The following EIF2AK2 variants were observed in gnomAD, a reference collection of about 807,000 sequenced individuals.
EIF2AK2 encodes eukaryotic translation initiation factor 2 alpha kinase 2, also known as interferon-induced, double-stranded RNA-activated protein kinase.
In EIF2AK2, 40 loss-of-function variants were observed where a neutral mutation model predicts 70.5. The ratio of observed to expected loss-of-function variants is 0.57; its 90% CI spans 0.44 to 0.74. EIF2AK2 has a LOEUF of 0.74. Ranked by LOEUF, EIF2AK2 falls within the 30% of genes least tolerant of loss-of-function variation. The pLI is 0.00. For missense variants in EIF2AK2, 555 were observed against 644.3 expected, an observed-to-expected ratio of 0.86 and a Z score of 1.50; for synonymous variants, 198 against 220.9, an observed-to-expected ratio of 0.90 and a Z score of 0.92.
At chr2:37,124,502 G>C (rs1256507380) in intron 11 of EIF2AK2, among the ~76,000 whole-genome samples, 1 of 152,008 alleles carries the variant, frequency 6.6e-6, no homozygotes, top group Non-Finnish European at 1.5e-5. Context: ...CTCGTGATCT[G>C]CCTGTCTTGG....
intron 5 of EIF2AK2, among the ~76,000 whole-genome samples, chr2:37,141,015 T>G (rs1195327707): frequency 6.6e-6 from 1 of 152,254 alleles, no homozygotes; most frequent in African/African-American, 2.4e-5. Flanking sequence ...TCTCAGTAAC[T>G]TTGAAACTCT....
intron 10 of EIF2AK2, among the ~76,000 whole-genome samples, chr2:37,127,991 C>T (rs1674803490): frequency 6.6e-6 from 1 of 152,162 alleles, no homozygotes; most frequent in African/African-American, 2.4e-5. Flanking sequence ...ATCCATCCGC[C>T]TCAGCCTCCC....
At chr2:37,136,580 T>C (rs1032780317) in intron 9 of EIF2AK2, 1 of 155,606 alleles carries the variant, frequency 6.4e-6, no homozygotes, top group Non-Finnish European at 1.4e-5. Context: ...TATATTTACA[T>C]CTTTGCCTTT....
chr2:37,140,005 C>A (rs1675273224), intron 5 of EIF2AK2, among the ~76,000 whole-genome samples: 1 of 151,360 alleles, frequency 6.6e-6, no homozygotes, highest in Non-Finnish European at 1.5e-5. Context: ...TGTTGCTTTG[C>A]TGAAAGATCT....
intron 10 of EIF2AK2, among the ~76,000 whole-genome samples, chr2:37,134,018 G>A (rs1414520752): frequency 6.6e-6 from 1 of 152,124 alleles, no homozygotes; most frequent in Non-Finnish European, 1.5e-5. Flanking sequence ...CTTGCTGCAA[G>A]CTAACTCTTC....
chr2:37,110,374 G>A (rs1267934410), intron 14 of EIF2AK2, among the ~76,000 whole-genome samples: 1 of 151,548 alleles, frequency 6.6e-6, no homozygotes, highest in Admixed American at 6.6e-5. Flanking sequence ...GGGATTACAG[G>A]CATGAGCCAC....
In EIF2AK2 at chr2:37,115,214, GTTTTTTTT is replaced by G. The variant is rs747138117; in HGVS notation, c.1249-363_1249-356del. On this transcript the variant is annotated intron_variant, in intron 13 of 16. Coordinates refer to ENST00000233057, the MANE Select transcript of EIF2AK2 (RefSeq NM_001135651.3). ...AGGCACCCGCCACCATGCCCGGCTA[GTTTTTTTT>G]TTTTTTTTTTTTTTTTTTTTTAGTA... 2.5e-3 allele frequency: 271 copies of G among 109,190 alleles called. 1 individual carries two copies. Among genetic ancestry groups the G allele is most frequent in the Non-Finnish European group, 3.9e-3 (233 of 59,968 alleles). 6.8% of individuals were successfully genotyped at this position (109,190 alleles called of 1,614,324 possible). A position where few individuals can be genotyped will look rare whatever the true frequency, so the allele number is the denominator to read the frequency against.
In EIF2AK2 at chr2:37,147,796, T is replaced by C. The variant is rs1160743323; in HGVS notation, c.11A>G (p.Asp4Gly). The C allele has an allele frequency of 6.2e-7, 1 of 1,612,206 alleles. No individual in the cohort carries two copies. The highest frequency in any genetic ancestry group is 1.3e-5 in the African/African-American group (1 of 74,990). The change falls in exon 3 of 17, where the codon GAT becomes GGT. Residue 4 changes from aspartate to glycine, a missense_variant. Physicochemically the swap from Asp to Gly is moderately conservative, Grantham distance 94. Around this residue, in one of 3 missense-constraint regions of EIF2AK2, gnomAD observed 48 missense variants for 77.1 expected, o/e 0.62. Coordinates refer to ENST00000233057, the MANE Select transcript of EIF2AK2 (RefSeq NM_001135651.3). Reference protein sequence around the residue: MAGDLSAGFFMEEL... With the variant: MAGGLSAGFFMEEL... ...CTCCATGAAGAAACCTGCTGAAAGA[T>C]CACCAGCCATTTCTTCTTCCCGTAT...
In EIF2AK2 at chr2:37,115,007, C is replaced by T. The variant is rs372081509; in HGVS notation, c.1249-148G>A. Reference sequence around the variant, plus strand: ...GCCAAAATCAGGGAATTTAATATGACTCGTCTTTAAAATGCCAGCTGAAAG... The same window carrying T: ...GCCAAAATCAGGGAATTTAATATGATTCGTCTTTAAAATGCCAGCTGAAAG... On this transcript the variant is annotated intron_variant, in intron 13 of 16. Coordinates refer to ENST00000233057, the MANE Select transcript of EIF2AK2 (RefSeq NM_001135651.3). 1.2e-5 allele frequency: 5 copies of T among 411,442 alleles called. No homozygotes were observed. The South Asian group carries it at 3.7e-4, about 30-fold the overall frequency. 25.5% of individuals were successfully genotyped at this position (411,442 alleles called of 1,614,324 possible).
At chr2:37,135,443 A>G in intron 10 of EIF2AK2, 41 bp downstream of exon 10, 1 of 1,522,940 alleles carries the variant, frequency 6.6e-7, no homozygotes, top group South Asian at 1.2e-5. Flanking sequence ...ATCCACCGAC[A>G]GCATTACCCC....
intron 4 of EIF2AK2, among the ~76,000 whole-genome samples, chr2:37,144,618 C>T (rs1467370783): frequency 6.6e-6 from 1 of 150,990 alleles, no homozygotes; most frequent in African/African-American, 2.4e-5. Context: ...GGGTCTTGCT[C>T]TGTTGCCCAG....
intron 11 of EIF2AK2, among the ~76,000 whole-genome samples, chr2:37,125,208 TC>T (rs1213094876): frequency 6.6e-6 from 1 of 152,072 alleles, no homozygotes; most frequent in East Asian, 1.9e-4. Flanking sequence ...GAGGGGTTTC[TC>T]CATGTTGGTG....
intron 1 of EIF2AK2, among the ~76,000 whole-genome samples, chr2:37,149,566 T>G (rs1675671914): frequency 6.6e-6 from 1 of 151,828 alleles, no homozygotes; most frequent in Non-Finnish European, 1.5e-5. Flanking sequence ...ACGGTTCCCA[T>G]GGCACAAATT....
Position 37,102,097 on chromosome 2 carries a change from G to A in EIF2AK2, c.*5176C>T, listed in dbSNP as rs1462547273. 6.6e-6 allele frequency: 1 copy of A among 152,104 alleles called. No individual in the cohort carries two copies. The highest frequency in any genetic ancestry group is 2.4e-5 in the African/African-American group (1 of 41,394). 9.4% of individuals were successfully genotyped at this position (152,104 alleles called of 1,614,324 possible). On this transcript the variant is annotated 3_prime_UTR_variant, in exon 17 of 17. Transcript: ENST00000233057. ...TCTACAAAAAATTTAAAAATTAGTT[G>A]GGTGTGTTGGTGTATGCATGTAGTC...
At chr2:37,134,870 C>T (rs1675071391) in intron 10 of EIF2AK2, among the ~76,000 whole-genome samples, 1 of 152,196 alleles carries the variant, frequency 6.6e-6, no homozygotes, top group Admixed American at 6.5e-5. Flanking sequence ...CCTAGCCAAC[C>T]TTTGCCCATT....
At chr2:37,134,386 C>T (rs904062225) in intron 10 of EIF2AK2, among the ~76,000 whole-genome samples, 23 of 152,144 alleles carry the variant, frequency 1.5e-4, no homozygotes, top group Non-Finnish European at 8.8e-5. Context: ...CCAATGCAAC[C>T]GCATTATCAT....
intron 4 of EIF2AK2, 90 bp from the exon 5 acceptor site, chr2:37,141,791 G>T: frequency 1.5e-6 from 2 of 1,323,660 alleles, no homozygotes; most frequent in Non-Finnish European, 1.0e-6. Flanking sequence ...TACTAAATGA[G>T]CAATTTGAAA....
intron 1 of EIF2AK2, among the ~76,000 whole-genome samples, chr2:37,150,319 GAA>G (rs572207067): frequency 2.0e-4 from 31 of 151,702 alleles, no homozygotes; most frequent in Non-Finnish European, 3.1e-4. Context: ...TCACTTGGCA[GAA>G]AAAAAAGGCA....
intron 10 of EIF2AK2, among the ~76,000 whole-genome samples, chr2:37,128,068 C>T (rs556420676): frequency 1.3e-5 from 2 of 152,194 alleles, no homozygotes; most frequent in South Asian, 2.1e-4. Context: ...TATTTAAAGT[C>T]GGTCATCCCC....
Sources: gnomAD v4.1 joint callset for allele counts (sites outside exome capture counted in the v4.1 genomes callset) on GRCh38, gnomAD v4.1.1 for gene constraint, gnomAD v4.1.1 regional missense constraint, MANE v1.5 for transcripts, NCBI Gene and HGNC (gene_info 2026-07-23, HGNC 2026-07-21) for gene names.